SLC6A6: variants seen among roughly 807,000 people sequenced by gnomAD.
The protein encoded by SLC6A6 is solute carrier family 6 member 6, also known as sodium- and chloride-dependent taurine transporter.
SLC6A6 carries 16 observed loss-of-function variants against 68.8 expected under a neutral mutation model. The ratio of observed to expected loss-of-function variants is 0.23; its 90% CI spans 0.16 to 0.35. SLC6A6 has a LOEUF of 0.35. Ranked by LOEUF, SLC6A6 falls within the 10% of genes least tolerant of loss-of-function variation. The pLI, the probability that SLC6A6 is intolerant of heterozygous loss-of-function variation, is 1.00. For missense variants in SLC6A6, 474 were observed against 802.8 expected (o/e 0.59, Z 4.95); for synonymous variants, 312 against 315.4 (o/e 0.99, Z 0.12).
intron 2 of SLC6A6, among the ~76,000 whole-genome samples, chr3:14,433,499 C>T (rs1014612991): frequency 6.6e-6 from 1 of 152,112 alleles, no homozygotes; most frequent in South Asian, 2.1e-4. Context: ...AACGACTCTA[C>T]AGGCCCCACC....
chr3:14,444,870 G>T (rs1264767552), intron 3 of SLC6A6: 1 of 455,364 alleles, frequency 2.2e-6, no homozygotes, highest in Non-Finnish European at 4.4e-6. Context: ...ACACCAGGTA[G>T]GATCCCCTGC....
intron 5 of SLC6A6, among the ~76,000 whole-genome samples, chr3:14,451,857 A>G (rs919661820): frequency 1.3e-5 from 2 of 152,180 alleles, no homozygotes; most frequent in African/African-American, 4.8e-5. Context: ...TCTGGGAGCC[A>G]GTTGGGCGGC....
intron 1 of SLC6A6, among the ~76,000 whole-genome samples, chr3:14,414,992 G>C (rs1415467224): frequency 1.3e-5 from 2 of 152,192 alleles, no homozygotes. Context: ...GTATGGTCTA[G>C]GATAGCAAGG....
chr3:14,445,935 C>A, intron 4 of SLC6A6, 84 bp downstream of exon 4: 2 of 1,408,904 alleles, frequency 1.4e-6, no homozygotes, highest in South Asian at 1.2e-5. Flanking sequence ...CTGCCAGGTC[C>A]ATTGGAGCCT....
At chr3:14,421,486 A>G (rs1180174122) in intron 2 of SLC6A6, among the ~76,000 whole-genome samples, 1 of 152,216 alleles carries the variant, frequency 6.6e-6, no homozygotes, top group Non-Finnish European at 1.5e-5. Flanking sequence ...GTCAGGGAAG[A>G]AAAATGGTGA....
chr3:14,419,269 G>A (rs1208946845), intron 2 of SLC6A6, among the ~76,000 whole-genome samples: 1 of 152,158 alleles, frequency 6.6e-6, no homozygotes. Flanking sequence ...ACATGGCAGG[G>A]GTGTCTAGAG....
chr3:14,465,800 C>T (rs368573361), intron 6 of SLC6A6, among the ~76,000 whole-genome samples: 57 of 152,346 alleles, frequency 3.7e-4, no homozygotes, highest in African/African-American at 1.2e-3. Flanking sequence ...CTTCTACACA[C>T]GCACTTGATA....
At chr3:14,427,325 C>T (rs1360997961) in intron 2 of SLC6A6, among the ~76,000 whole-genome samples, 6 of 152,148 alleles carry the variant, frequency 3.9e-5, no homozygotes, top group Non-Finnish European at 7.3e-5. Flanking sequence ...CTGGTGGGAT[C>T]GCCATCCACC....
chr3:14,446,932 C>T (rs1260356411), intron 4 of SLC6A6, among the ~76,000 whole-genome samples: 3 of 152,124 alleles, frequency 2.0e-5, no homozygotes, highest in African/African-American at 7.2e-5. Context: ...CCACGTAAAT[C>T]CATTTATCCT....
chr3:14,443,536 G>T (rs976175114), intron 2 of SLC6A6, 88 bp from the exon 3 acceptor site: 26 of 956,272 alleles, frequency 2.7e-5, no homozygotes, highest in Non-Finnish European at 4.0e-5. Flanking sequence ...GTGGGAGCCG[G>T]CTCGTGGATG....
rs1204071219 is a variant in SLC6A6 at position 14,402,921 on chromosome 3, C to T, written c.-54+74C>T. The T allele has an allele frequency of 2.6e-6, 1 of 386,852 alleles. No individual in the cohort carries two copies. Among genetic ancestry groups the T allele is most frequent in the East Asian group, 3.7e-5 (1 of 26,986 alleles). The allele number at this position is 386,852 out of a possible 1,614,324, so 24.0% of individuals were successfully genotyped here. On this transcript the variant is annotated intron_variant, in intron 1 of 14. Transcript: ENST00000622186. The surrounding 1 kb of genome is among the most constrained non-coding windows in gnomAD (Gnocchi z 4.8). The stretch of plus-strand genomic sequence containing the variant: ...CTGCAGCCCCTCCCCATCCCCGCGT[C>T]GCCGCAGTCCCGGCCTCCTCCCCTC...
At chr3:14,454,304 A>T (rs1700320425) in intron 5 of SLC6A6, among the ~76,000 whole-genome samples, 1 of 152,148 alleles carries the variant, frequency 6.6e-6, no homozygotes, top group African/African-American at 2.4e-5. Context: ...GAGCTGTGTT[A>T]ACACTGTGGG....
At position 14,482,904 on chromosome 3, in the gene SLC6A6, C is replaced by T. The variant is rs142160454; in HGVS notation, c.1722+1063C>T. On this transcript the variant is annotated intron_variant, in intron 14 of 14. Coordinates refer to ENST00000622186, the MANE Select transcript of SLC6A6 (RefSeq NM_003043.6). The stretch of plus-strand genomic sequence containing the variant: ...GACAGGCAGGGAACAGTGACTGTCC[C>T]GAGCCCTCCAGGTGACCCCACAATA... Among the ~76,000 whole-genome samples, 11 of 152,226 alleles carry T rather than the reference C, an allele frequency of 7.2e-5. No individual in the cohort carries two copies. In the East Asian group the frequency reaches 2.1e-3, roughly 29 times the overall value.
In SLC6A6 at chr3:14,467,938, A is replaced by G. The variant is rs1395974786; in HGVS notation, c.953A>G (p.Tyr318Cys). 1 of 1,613,298 alleles carries G rather than the reference A, an allele frequency of 6.2e-7. No homozygotes were observed. The change falls in exon 8 of 15, where the codon TAC (tyrosine) becomes TGC (cysteine). Residue 318 changes from tyrosine (Y) to cysteine (C), a missense_variant. Around this residue, in one of 2 missense-constraint regions of SLC6A6, gnomAD observed 280 missense variants for 533.1 expected, o/e 0.53. Transcript: ENST00000622186. ...AMTSLGSYNKYKYNSYRDCML... is the reference protein window; with the variant it reads ...AMTSLGSYNKCKYNSYRDCML... ...ACCTCGCTGGGGAGCTACAACAAGTACAAGTATAACTCGTACAGGCAAGTG... is the reference window on the plus strand; with the variant it reads ...ACCTCGCTGGGGAGCTACAACAAGTGCAAGTATAACTCGTACAGGCAAGTG...
intron 13 of SLC6A6, among the ~76,000 whole-genome samples, chr3:14,479,687 G>A (rs142044379): frequency 6.6e-6 from 1 of 152,284 alleles, no homozygotes; most frequent in East Asian, 1.9e-4. Context: ...CCCAAGGATA[G>A]GGAAGCTTTG....
At chr3:14,430,273 A>G (rs1301741400) in intron 2 of SLC6A6, among the ~76,000 whole-genome samples, 1 of 151,614 alleles carries the variant, frequency 6.6e-6, no homozygotes, top group African/African-American at 2.4e-5. Flanking sequence ...CATGGCAGGC[A>G]TTTGGGGTTT....
intron 6 of SLC6A6, among the ~76,000 whole-genome samples, chr3:14,461,420 C>A (rs1446534853): frequency 6.6e-6 from 1 of 152,236 alleles, no homozygotes; most frequent in East Asian, 1.9e-4. Context: ...TGTGCCCACC[C>A]CCGTGCCAGC....
rs1701006463 is a variant in SLC6A6, at chr3:14,481,528, A to C, written c.1552-143A>C. 1 of 619,256 alleles carries C rather than the reference A, an allele frequency of 1.6e-6. No individual in the cohort carries two copies. Among genetic ancestry groups the C allele is most frequent in the Non-Finnish European group, 2.9e-6 (1 of 349,266 alleles). The allele number at this position is 619,256 out of a possible 1,614,324, so 38.4% of individuals were successfully genotyped here. ...CCGGGGCGGGGGGGATCCTTATGGCAGCAGAGAGGGGTGTGAGTTCTGAGC... is the reference window on the plus strand; with the variant it reads ...CCGGGGCGGGGGGGATCCTTATGGCCGCAGAGAGGGGTGTGAGTTCTGAGC... On this transcript the variant is annotated intron_variant, in intron 13 of 14. Coordinates refer to ENST00000622186, the MANE Select transcript of SLC6A6 (RefSeq NM_003043.6). The surrounding 1 kb of genome is among the most constrained non-coding windows in gnomAD (Gnocchi z 4.7).
At position 14,472,865 on chromosome 3, in the gene SLC6A6, G is replaced by T. The variant is rs1424187808; in HGVS notation, c.1209+548G>T. On this transcript the variant is annotated intron_variant, in intron 10 of 14. Transcript: ENST00000622186. The surrounding 1 kb of genome is among the most constrained non-coding windows in gnomAD (Gnocchi z 4.5). ...TCTGTGCTCCCTGGAGCGTGCGAGG[G>T]GCTGGGCATTGGCTCCCTCCCGTGC... Among the ~76,000 whole-genome samples, 1 of 152,212 alleles carries T rather than the reference G, an allele frequency of 6.6e-6. No individual in the cohort carries two copies. Among genetic ancestry groups the T allele is most frequent in the Admixed American group, 6.5e-5 (1 of 15,282 alleles).
Sources: gnomAD v4.1 joint callset for allele counts (sites outside exome capture counted in the v4.1 genomes callset) on GRCh38, gnomAD v4.1.1 for gene constraint, gnomAD v4.1.1 regional missense constraint, Gnocchi (gnomAD v3.1) non-coding constraint, MANE v1.5 for transcripts, NCBI Gene and HGNC (gene_info 2026-07-23, HGNC 2026-07-21) for gene names.